Variants in RBFOX1 observed in about 807,000 individuals in gnomAD.
The protein encoded by RBFOX1 is RNA binding fox-1 homolog 1.
RBFOX1 carries 8 observed loss-of-function variants against 57.7 expected under a neutral mutation model. That is an observed-to-expected ratio of 0.14 (90% CI 0.08 to 0.25). RBFOX1 has a LOEUF of 0.25. Ranked by LOEUF, RBFOX1 falls within the 10% of genes least tolerant of loss-of-function variation. The pLI, the probability that RBFOX1 is intolerant of heterozygous loss-of-function variation, is 1.00. For synonymous variants in RBFOX1, 326 were observed against 222.4 expected (o/e 1.47, Z -4.15); for missense variants, 611 against 548.5 (o/e 1.11, Z -1.14).
In RBFOX1 at chr16:7,229,787, GGAGA is replaced by G. The variant is rs1287427960; in HGVS notation, c.27+177695_27+177698del. 6.6e-5 allele frequency among the ~76,000 whole-genome samples: 5 copies of G among 76,182 alleles called. 2 individuals carry two copies. In the South Asian group the frequency reaches 3.4e-3, roughly 52 times the overall value. The allele number at this position is 76,182 out of a possible 152,430, so 50.0% of individuals were successfully genotyped here. A position where few individuals can be genotyped will look rare whatever the true frequency, so the allele number is the denominator to read the frequency against. On this transcript the variant is annotated intron_variant, in intron 4 of 15. Coordinates refer to ENST00000550418, the MANE Select transcript of RBFOX1 (RefSeq NM_018723.4). ...GAGGAAGGGAGAGAGAGGAAGGAAG[GGAGA>G]GAGAGGGAGGAAGGGAGAGAGAGGA...
intron 2 of RBFOX1, among the ~76,000 whole-genome samples, chr16:5,530,750 C>G (rs1454878319): frequency 6.6e-6 from 1 of 151,978 alleles, no homozygotes; most frequent in Non-Finnish European, 1.5e-5. Context: ...AGGGGCAAAA[C>G]TATCCCCAGT....
chr16:6,188,512 C>T lies in RBFOX1; in HGVS notation c.-126-128483C>T, dbSNP rs541430503. On this transcript the variant is annotated intron_variant, in intron 1 of 15. Transcript: ENST00000550418. ...TGATGTTATTGTCTATTTCAGACAA[C>T]GCAAAGAGGTGTATGAAACCAGAAA... Among the ~76,000 whole-genome samples, 108 of 150,894 alleles carry T rather than the reference C, an allele frequency of 7.2e-4. 2 individuals carry two copies. In the South Asian group the frequency reaches 0.022, roughly 30 times the overall value.
At chr16:5,917,067 C>A (rs957251400) in intron 4 of RBFOX1, among the ~76,000 whole-genome samples, 1 of 152,218 alleles carries the variant, frequency 6.6e-6, no homozygotes, top group African/African-American at 2.4e-5. Flanking sequence ...CCGCACCCTG[C>A]AGGCGTGGCC....
intron 3 of RBFOX1, among the ~76,000 whole-genome samples, chr16:6,689,247 G>T (rs60206145): frequency 0.041 from 6,288 of 152,150 alleles, 415 homozygotes; most frequent in African/African-American, 0.14. Flanking sequence ...AGTGGTTGCA[G>T]GATCCTGAGG....
At chr16:6,502,675 A>G (rs533125536) in intron 2 of RBFOX1, among the ~76,000 whole-genome samples, 1 of 151,750 alleles carries the variant, frequency 6.6e-6, no homozygotes, top group African/African-American at 2.4e-5. Context: ...TCTATTGTTA[A>G]CTCTTTTACC....
At chr16:6,927,847 C>G (rs1487583302) in intron 3 of RBFOX1, among the ~76,000 whole-genome samples, 3 of 152,194 alleles carry the variant, frequency 2.0e-5, no homozygotes, top group Non-Finnish European at 2.9e-5. Flanking sequence ...AAATGTGGAT[C>G]TCACAACACA....
At chr16:7,491,731 A>G (rs1020293945) in intron 4 of RBFOX1, among the ~76,000 whole-genome samples, 3 of 152,160 alleles carry the variant, frequency 2.0e-5, no homozygotes, top group African/African-American at 7.2e-5. Flanking sequence ...CCTGGGCTCA[A>G]GCAATCCTCC....
chr16:5,831,473 T>TTATTATTATTA (rs2056271261), intron 3 of RBFOX1, among the ~76,000 whole-genome samples: 1 of 141,518 alleles, frequency 7.1e-6, no homozygotes, highest in African/African-American at 2.6e-5. Context: ...TCTTTTCTCT[T>TTATTATTATTA]TTATTATTAT....
intron 4 of RBFOX1, among the ~76,000 whole-genome samples, chr16:5,875,025 G>C (rs1015146029): frequency 2.6e-5 from 4 of 152,152 alleles, no homozygotes; most frequent in Non-Finnish European, 4.4e-5. Flanking sequence ...GCAGAGAGAA[G>C]AAATAGCTGA....
At chr16:6,416,430 T>C (rs1222419214) in intron 2 of RBFOX1, among the ~76,000 whole-genome samples, 1 of 152,174 alleles carries the variant, frequency 6.6e-6, no homozygotes, top group African/African-American at 2.4e-5. Context: ...ATTTTTGCTT[T>C]TCTCCCCTCT....
At chr16:6,828,825 A>C (rs1343541198) in intron 3 of RBFOX1, among the ~76,000 whole-genome samples, 1 of 152,160 alleles carries the variant, frequency 6.6e-6, no homozygotes, top group Non-Finnish European at 1.5e-5. Context: ...TCACAATTCT[A>C]AGAAATTTCC....
intron 3 of RBFOX1, among the ~76,000 whole-genome samples, chr16:6,736,995 T>C (rs2070552694): frequency 6.6e-6 from 1 of 152,198 alleles, no homozygotes; most frequent in Non-Finnish European, 1.5e-5. Flanking sequence ...CACTTATCCC[T>C]GACACGGGAA....
At chr16:7,377,558 C>T (rs2097707094) in intron 4 of RBFOX1, among the ~76,000 whole-genome samples, 1 of 152,180 alleles carries the variant, frequency 6.6e-6, no homozygotes, top group African/African-American at 2.4e-5. Flanking sequence ...TCTGTATTTG[C>T]AGGGCAGGAA....
At chr16:6,717,064 A>G (rs1332282821) in intron 3 of RBFOX1, among the ~76,000 whole-genome samples, 1 of 152,138 alleles carries the variant, frequency 6.6e-6, no homozygotes, top group Non-Finnish European at 1.5e-5. Context: ...GCCATGTGCA[A>G]ACCAAGAGTT....
intron 3 of RBFOX1, among the ~76,000 whole-genome samples, chr16:6,924,861 T>C (rs1180250300): frequency 1.9e-5 from 2 of 105,122 alleles, no homozygotes; most frequent in South Asian, 3.8e-4. Flanking sequence ...CAACAGTCCC[T>C]GGTGTGTGAT....
chr16:5,679,513 C>A (rs1339412356), intron 3 of RBFOX1, among the ~76,000 whole-genome samples: 2 of 152,024 alleles, frequency 1.3e-5, no homozygotes, highest in Non-Finnish European at 2.9e-5. Flanking sequence ...TGTCCCCCAC[C>A]CCCCGACAGG....
chr16:5,268,645 A>G (rs929499195), intron 1 of RBFOX1, among the ~76,000 whole-genome samples: 3 of 152,204 alleles, frequency 2.0e-5, no homozygotes, highest in African/African-American at 7.2e-5. Context: ...TGTGCACTAG[A>G]GACCAGTCAA....
chr16:7,174,398 TG>T (rs2081269336), intron 4 of RBFOX1, among the ~76,000 whole-genome samples: 1 of 152,232 alleles, frequency 6.6e-6, no homozygotes, highest in South Asian at 2.1e-4. Flanking sequence ...TCCAAGTTCT[TG>T]GGTGGATATA....
In RBFOX1 at chr16:7,692,161, T is replaced by C. The variant is rs112669386; in HGVS notation, c.995+15323T>C. On this transcript the variant is annotated intron_variant, in intron 14 of 15. Coordinates refer to ENST00000550418, the MANE Select transcript of RBFOX1 (RefSeq NM_018723.4). ...CCCAAAATCTTATGTTAACTTTTATTGTCTTAAGGAAAGTGATAAACTTAG... is the reference window on the plus strand; with the variant it reads ...CCCAAAATCTTATGTTAACTTTTATCGTCTTAAGGAAAGTGATAAACTTAG... Among the ~76,000 whole-genome samples the C allele has an allele frequency of 8.1e-3, 1,226 of 152,274 alleles. 13 individuals carry two copies. The highest frequency in any genetic ancestry group is 0.028 in the African/African-American group (1,173 of 41,564).
Sources: allele counts gnomAD v4.1 joint callset (sites outside exome capture counted in the v4.1 genomes callset), GRCh38; gene constraint gnomAD v4.1.1; transcripts MANE v1.5; gene names NCBI Gene and HGNC (gene_info 2026-07-23, HGNC 2026-07-21).